MED12L: variants seen among roughly 807,000 people sequenced by gnomAD.
The protein encoded by MED12L is mediator complex subunit 12L.
MED12L carries 60 observed loss-of-function variants against 281.3 expected under a neutral mutation model. That is an observed-to-expected ratio of 0.21 (90% CI 0.17 to 0.26). MED12L has a LOEUF of 0.26. MED12L is among the 10% of genes least tolerant of loss of function. The pLI, the probability that MED12L is intolerant of heterozygous loss-of-function variation, is 1.00. For missense variants in MED12L, 2,146 were observed against 2,680.9 expected, an observed-to-expected ratio of 0.80 and a Z score of 4.41; for synonymous variants, 974 against 987.2, an observed-to-expected ratio of 0.99 and a Z score of 0.25.
chr3:151,418,599 T>C (rs1025581523), intron 43 of MED12L, among the ~76,000 whole-genome samples: 4 of 152,212 alleles, frequency 2.6e-5, no homozygotes, highest in Non-Finnish European at 4.4e-5. Context: ...AGAGGTGCCA[T>C]TGTGTCCTTT....
chr3:151,339,280 A>T (rs1751471522), intron 16 of MED12L, among the ~76,000 whole-genome samples: 1 of 151,920 alleles, frequency 6.6e-6, no homozygotes, highest in Admixed American at 6.6e-5. Context: ...CAACGTCCTT[A>T]TTTCTGAGCT....
intron 2 of MED12L, among the ~76,000 whole-genome samples, chr3:151,101,134 G>A (rs1224302472): frequency 6.6e-6 from 1 of 152,212 alleles, no homozygotes; most frequent in Non-Finnish European, 1.5e-5. Context: ...CAGGGTGGTA[G>A]CAATGCTCTG....
At chr3:151,428,450 T>G (rs936095453) in intron 43 of MED12L, among the ~76,000 whole-genome samples, 2 of 152,214 alleles carry the variant, frequency 1.3e-5, no homozygotes, top group African/African-American at 4.8e-5. Context: ...GTGGAGGGAA[T>G]AGTTCATTAG....
intron 16 of MED12L, among the ~76,000 whole-genome samples, chr3:151,288,280 C>T (rs1468225008): frequency 6.6e-6 from 1 of 152,212 alleles, no homozygotes; most frequent in Admixed American, 6.5e-5. Flanking sequence ...GACCCATTAA[C>T]TTTCCCATGG....
intron 16 of MED12L, among the ~76,000 whole-genome samples, chr3:151,319,182 GA>G (rs1247341129): frequency 2.0e-5 from 3 of 152,058 alleles, no homozygotes; most frequent in Admixed American, 2.0e-4. Context: ...GTTTAGTCAT[GA>G]AAAAAGTGTA....
intron 43 of MED12L, among the ~76,000 whole-genome samples, chr3:151,426,913 G>C (rs1469118735): frequency 6.6e-6 from 1 of 151,700 alleles, no homozygotes. Context: ...GACCTCATGG[G>C]CTCAAGTGAT....
At chr3:151,238,557 A>G (rs578020541) in intron 16 of MED12L, among the ~76,000 whole-genome samples, 40 of 152,266 alleles carry the variant, frequency 2.6e-4, no homozygotes, top group Middle Eastern at 6.8e-3. Flanking sequence ...AGATGTTGCT[A>G]TTTTCATCGT....
intron 16 of MED12L, among the ~76,000 whole-genome samples, chr3:151,334,349 A>G (rs1750723224): frequency 6.6e-6 from 1 of 151,242 alleles, no homozygotes; most frequent in Non-Finnish European, 1.5e-5. Context: ...TCACACCTTG[A>G]GTGTTGGCAG....
chr3:151,378,864 A>T (rs2108092901), intron 31 of MED12L, among the ~76,000 whole-genome samples: 1 of 152,358 alleles, frequency 6.6e-6, no homozygotes, highest in East Asian at 1.9e-4. Context: ...CCATTTATTG[A>T]CTGCTTACAG....
chr3:151,242,542 C>T (rs1335545474), intron 16 of MED12L, among the ~76,000 whole-genome samples: 1 of 152,210 alleles, frequency 6.6e-6, no homozygotes, highest in Non-Finnish European at 1.5e-5. Context: ...TCCAACAGAC[C>T]TGCAGCTGAG....
rs147653437 is a variant in MED12L, at chr3:151,125,142, A to C, written c.396+2168A>C. ...TTAAAATCAGATGGATTCTTTACTG[A>C]ATAACATGTAATGCAACAAGGTGAG... On this transcript the variant is annotated intron_variant, in intron 4 of 44. Coordinates refer to ENST00000687756, the MANE Select transcript of MED12L (RefSeq NM_001393769.1). Among the ~76,000 whole-genome samples the C allele has an allele frequency of 6.0e-4, 91 of 152,338 alleles. 1 individual carries two copies. Among genetic ancestry groups the C allele is most frequent in the African/African-American group, 2.1e-3 (87 of 41,566 alleles).
chr3:151,291,328 G>A (rs1016660535), intron 16 of MED12L, among the ~76,000 whole-genome samples: 2 of 151,974 alleles, frequency 1.3e-5, no homozygotes, highest in East Asian at 1.9e-4. Context: ...CTCTTGAAAC[G>A]ATGGTTGAGA....
intron 16 of MED12L, among the ~76,000 whole-genome samples, chr3:151,246,233 C>A (rs1312313192): frequency 6.6e-6 from 1 of 152,158 alleles, no homozygotes; most frequent in Non-Finnish European, 1.5e-5. Flanking sequence ...CCCCATCAAG[C>A]TACCAATGCC....
At chr3:151,382,579 T>C in intron 32 of MED12L, 77 bp from the exon 33 acceptor site, 3 of 903,800 alleles carry the variant, frequency 3.3e-6, no homozygotes, top group Non-Finnish European at 4.9e-6. Flanking sequence ...GGTTTTTTGC[T>C]ATCAGTATAA....
chr3:151,407,667 A>C (rs964495205), intron 39 of MED12L, among the ~76,000 whole-genome samples: 2 of 152,244 alleles, frequency 1.3e-5, no homozygotes, highest in African/African-American at 4.8e-5. Flanking sequence ...TCTCTAACCC[A>C]AGCAAATGGA....
At chr3:151,336,290 T>A (rs1750982284) in intron 16 of MED12L, among the ~76,000 whole-genome samples, 2 of 152,194 alleles carry the variant, frequency 1.3e-5, no homozygotes, top group Admixed American at 1.3e-4. Flanking sequence ...TGTCTCTGTA[T>A]CTCCACTGAC....
intron 16 of MED12L, among the ~76,000 whole-genome samples, chr3:151,206,479 G>A (rs778781197): frequency 2.6e-5 from 4 of 151,714 alleles, no homozygotes; most frequent in Non-Finnish European, 4.4e-5. Flanking sequence ...AGGTGTGACT[G>A]CTATTTGGTC....
chr3:151,178,157 CAAAAAAAAAA>C (rs10572929), intron 11 of MED12L, among the ~76,000 whole-genome samples: 20 of 49,126 alleles, frequency 4.1e-4, no homozygotes, highest in Non-Finnish European at 4.4e-4. Flanking sequence ...GACTTGGTCT[CAAAAAAAAAA>C]AAAAAAAAAA....
chr3:151,118,603 A>G (rs1253367245), intron 3 of MED12L, among the ~76,000 whole-genome samples: 1 of 151,326 alleles, frequency 6.6e-6, no homozygotes, highest in African/African-American at 2.4e-5. Context: ...GTACATTTGC[A>G]TCGTTGTTGC....
Sources: gnomAD v4.1 joint callset for allele counts (sites outside exome capture counted in the v4.1 genomes callset) on GRCh38, gnomAD v4.1.1 for gene constraint, MANE v1.5 for transcripts, NCBI Gene and HGNC (gene_info 2026-07-23, HGNC 2026-07-21) for gene names.